The following FOXN3 variants were observed in gnomAD, a reference collection of about 807,000 sequenced individuals.
The protein encoded by FOXN3 is forkhead box protein N3.
FOXN3 carries 7 observed loss-of-function variants against 38.4 expected under a neutral mutation model. The observed-to-expected ratio is 0.18, with a 90% confidence interval of 0.10 to 0.34. FOXN3 has a LOEUF of 0.34. Ranked by LOEUF, FOXN3 falls within the 10% of genes least tolerant of loss-of-function variation. The pLI, the probability that FOXN3 is intolerant of heterozygous loss-of-function variation, is 1.00. For synonymous variants in FOXN3, 230 were observed against 242.2 expected (o/e 0.95, Z 0.47); for missense variants, 456 against 613.4 (o/e 0.74, Z 2.71).
intron 3 of FOXN3, among the ~76,000 whole-genome samples, chr14:89,335,047 G>T (rs1888402186): frequency 6.7e-6 from 1 of 150,172 alleles, no homozygotes. Context: ...TTACAGACCT[G>T]AAAAAGAGTA....
At chr14:89,258,309 G>T (rs1885689818) in intron 4 of FOXN3, among the ~76,000 whole-genome samples, 1 of 152,192 alleles carries the variant, frequency 6.6e-6, no homozygotes. Context: ...GAGGAGAAAA[G>T]GAAAGGGGAA....
At chr14:89,434,491 A>G (rs540800134) in intron 1 of FOXN3, among the ~76,000 whole-genome samples, 14 of 152,172 alleles carry the variant, frequency 9.2e-5, no homozygotes, top group Admixed American at 4.6e-4. Context: ...CGGACTCTCA[A>G]AGTGCTGGGA....
chr14:89,299,271 T>A (rs944239334), intron 3 of FOXN3, among the ~76,000 whole-genome samples: 16 of 152,290 alleles, frequency 1.1e-4, no homozygotes, highest in Middle Eastern at 3.4e-3. Flanking sequence ...CTCAAGGTAG[T>A]GAATAAGTCT....
intron 4 of FOXN3, among the ~76,000 whole-genome samples, chr14:89,253,059 G>C (rs1885509291): frequency 6.6e-6 from 1 of 152,180 alleles, no homozygotes; most frequent in South Asian, 2.1e-4. Context: ...CTGGTGGACT[G>C]TGCCAGGGAG....
intron 4 of FOXN3, among the ~76,000 whole-genome samples, chr14:89,231,041 CACCTGTG>C (rs1436380938): frequency 3.3e-5 from 5 of 152,184 alleles, no homozygotes; most frequent in Admixed American, 6.5e-5. Context: ...CCACCCATCT[CACCTGTG>C]ACAGGCCATT....
chr14:89,531,339 A>G (rs1894564848), intron 1 of FOXN3, among the ~76,000 whole-genome samples: 1 of 152,128 alleles, frequency 6.6e-6, no homozygotes, highest in East Asian at 1.9e-4. Flanking sequence ...CTTTATAGGA[A>G]AGTGGTTTAT....
At chr14:89,451,096 G>GGAAT (rs1892605296) in intron 1 of FOXN3, among the ~76,000 whole-genome samples, 1 of 152,192 alleles carries the variant, frequency 6.6e-6, no homozygotes, top group Admixed American at 6.5e-5. Context: ...AGAAGTGAGA[G>GGAAT]GATTCTGCAA....
rs779857123 is a variant in FOXN3 at position 89,350,725 on chromosome 14, G to C, written c.627C>G (p.His209Gln). The C allele has an allele frequency of 1.2e-6, 2 of 1,603,774 alleles. No homozygotes were observed. The highest frequency in any genetic ancestry group is 1.7e-6 in the Non-Finnish European group (2 of 1,176,196). Reference sequence around the variant, plus strand: ...GTGTATTGAACACGTGTGGGTGTGGGTGATAAGGTGTCTTTTTCAAAGCCT... The same window carrying C: ...GTGTATTGAACACGTGTGGGTGTGGCTGATAAGGTGTCTTTTTCAAAGCCT... ...LIQALKKTPY[H>Q]PHPHVFNTPP... is the part of the protein sequence containing the mutation. Residue 209 changes from histidine (H) to glutamine (Q), a missense_variant, in exon 3 of 6, where the codon CAC (histidine) becomes CAG (glutamine). This residue lies in a region of FOXN3 where 386 missense variants were observed against 505.2 expected (regional missense o/e 0.76). Coordinates refer to ENST00000557258, the MANE Select transcript of FOXN3 (RefSeq NM_005197.4).
At chr14:89,342,099 C>T (rs1387161423) in intron 3 of FOXN3, among the ~76,000 whole-genome samples, 2 of 152,222 alleles carry the variant, frequency 1.3e-5, no homozygotes, top group East Asian at 1.9e-4. Context: ...GAACTTCTAA[C>T]GCTTTGGCTA....
In FOXN3 at chr14:89,162,117, A is replaced by C; in HGVS notation, c.*297T>G. 1 of 236,706 alleles carries C rather than the reference A, an allele frequency of 4.2e-6. No individual in the cohort carries two copies. The highest frequency in any genetic ancestry group is 8.1e-6 in the Non-Finnish European group (1 of 123,406). The allele number at this position is 236,706 out of a possible 1,614,324, so 14.7% of individuals were successfully genotyped here. Reference sequence around the variant, plus strand: ...GGTTTCTGACAAGCTGGAGGAAGCAATGGTAATTTTGGCTTTTTCGGTTTT... The same window carrying C: ...GGTTTCTGACAAGCTGGAGGAAGCACTGGTAATTTTGGCTTTTTCGGTTTT... On this transcript the variant is annotated 3_prime_UTR_variant, in exon 6 of 6. Coordinates refer to ENST00000557258, the MANE Select transcript of FOXN3 (RefSeq NM_005197.4). This position sits in a 1 kb window ranked among gnomAD's most constrained non-coding sequence, Gnocchi z 7.2.
chr14:89,240,846 G>C (rs988400880), intron 4 of FOXN3, among the ~76,000 whole-genome samples: 3 of 152,232 alleles, frequency 2.0e-5, no homozygotes, highest in Non-Finnish European at 2.9e-5. Flanking sequence ...GCAGTAACCT[G>C]CCTGGGGTCC....
chr14:89,254,294 T>C (rs1278794998), intron 4 of FOXN3, among the ~76,000 whole-genome samples: 1 of 152,220 alleles, frequency 6.6e-6, no homozygotes, highest in African/African-American at 2.4e-5. Flanking sequence ...TATCCTGCCT[T>C]CTGCAAGGCT....
intron 1 of FOXN3, among the ~76,000 whole-genome samples, chr14:89,460,359 C>T (rs1158634689): frequency 1.3e-5 from 2 of 152,166 alleles, no homozygotes. Flanking sequence ...TCGCTCTCCG[C>T]TCCAGAAAAC....
chr14:89,365,150 G>A (rs2140049030), intron 2 of FOXN3, among the ~76,000 whole-genome samples: 2 of 152,254 alleles, frequency 1.3e-5, no homozygotes, highest in Middle Eastern at 6.8e-3. Flanking sequence ...ACTATTTTGA[G>A]AGAGCCCTGC....
chr14:89,489,334 G>A (rs1048075918), intron 1 of FOXN3, among the ~76,000 whole-genome samples: 6 of 152,146 alleles, frequency 3.9e-5, no homozygotes, highest in East Asian at 1.9e-4. Flanking sequence ...CCTCCTCATC[G>A]AGGCGTTTGG....
chr14:89,511,315 A>G (rs1250988469), intron 1 of FOXN3, among the ~76,000 whole-genome samples: 1 of 115,220 alleles, frequency 8.7e-6, no homozygotes, highest in Non-Finnish European at 1.7e-5. Context: ...TTCTTTTTTG[A>G]GACAGTCTCT....
intron 4 of FOXN3, among the ~76,000 whole-genome samples, chr14:89,226,895 A>G (rs1596115786): frequency 6.6e-6 from 1 of 152,232 alleles, no homozygotes; most frequent in East Asian, 1.9e-4. Context: ...GACCTGGAAC[A>G]GATTCTTCCC....
Position 89,289,567 on chromosome 14 carries a change from G to T in FOXN3, c.681-8553C>A, listed in dbSNP as rs377606438. ...AGAAAAGTAAGTTTTCAAATGACAC[G>T]GTAGAAATACATATAAGATGAATAA... On this transcript the variant is annotated intron_variant, in intron 3 of 5. Transcript: ENST00000557258. Among the ~76,000 whole-genome samples, 24 of 152,196 alleles carry T rather than the reference G, an allele frequency of 1.6e-4. No individual in the cohort carries two copies. The South Asian group carries it at 5.0e-3, about 32-fold the overall frequency.
At chr14:89,417,898 G>A (rs1463108308), upstream of FOXN3, 6 of 366,432 alleles carry the variant, frequency 1.6e-5, no homozygotes, top group Admixed American at 3.3e-5. Context: ...CACGCCGGTG[G>A]GGCCTCTCAA....
Sources: allele counts gnomAD v4.1 joint callset (sites outside exome capture counted in the v4.1 genomes callset), GRCh38; gene constraint gnomAD v4.1.1; regional missense constraint gnomAD v4.1.1; non-coding constraint Gnocchi (gnomAD v3.1); transcripts MANE v1.5; gene names NCBI Gene and HGNC (gene_info 2026-07-23, HGNC 2026-07-21).